The following EPHB1 variants were observed in gnomAD, a reference collection of about 807,000 sequenced individuals.
EPHB1 encodes the protein EPH receptor B1, also known as ephrin type-B receptor 1.
EPHB1 carries 30 observed loss-of-function variants against 94.4 expected under a neutral mutation model. That is an observed-to-expected ratio of 0.32 (90% CI 0.24 to 0.43). The LOEUF (loss-of-function observed/expected upper bound fraction) is 0.43, where lower values mean the gene tolerates loss of function less well. Ranked by LOEUF, EPHB1 falls within the 20% of genes least tolerant of loss-of-function variation. The pLI, the probability that EPHB1 is intolerant of heterozygous loss-of-function variation, is 1.00. For missense variants in EPHB1, 1,055 were observed against 1,308.3 expected, an observed-to-expected ratio of 0.81 and a Z score of 2.99; for synonymous variants, 522 against 489.1, an observed-to-expected ratio of 1.07 and a Z score of -0.89.
chr3:135,197,519 C>T (rs1181290845), intron 11 of EPHB1, among the ~76,000 whole-genome samples: 1 of 152,164 alleles, frequency 6.6e-6, no homozygotes, highest in Non-Finnish European at 1.5e-5. Context: ...TGAAAGGTCC[C>T]TTTCAGTTAG....
At chr3:134,921,147 TCTC>T (rs1291619004) in intron 1 of EPHB1, among the ~76,000 whole-genome samples, 1 of 152,038 alleles carries the variant, frequency 6.6e-6, no homozygotes, top group Non-Finnish European at 1.5e-5. Flanking sequence ...TAGCCTCCCT[TCTC>T]CTTTTGCTCA....
chr3:134,866,667 G>C (rs2108305941), intron 1 of EPHB1, among the ~76,000 whole-genome samples: 1 of 152,274 alleles, frequency 6.6e-6, no homozygotes, highest in Admixed American at 6.5e-5. Flanking sequence ...CAGCTGGCAG[G>C]GTATTTAGCT....
At chr3:134,836,129 A>G (rs2036670390) in intron 1 of EPHB1, among the ~76,000 whole-genome samples, 2 of 152,210 alleles carry the variant, frequency 1.3e-5, no homozygotes, top group African/African-American at 4.8e-5. Flanking sequence ...TCCATGGGGC[A>G]TCTGGCTGGG....
intron 6 of EPHB1, among the ~76,000 whole-genome samples, chr3:135,160,638 C>T (rs939563272): frequency 6.6e-6 from 1 of 152,182 alleles, no homozygotes; most frequent in East Asian, 1.9e-4. Context: ...AGCTTCTGTT[C>T]ATGCATACCT....
At chr3:134,860,209 G>T (rs567638350) in intron 1 of EPHB1, among the ~76,000 whole-genome samples, 6 of 81,344 alleles carry the variant, frequency 7.4e-5, no homozygotes, top group Admixed American at 6.9e-4. Context: ...TGGGAAAGGG[G>T]CACAGGGATC....
chr3:135,248,908 C>A (rs1043854767), intron 14 of EPHB1, among the ~76,000 whole-genome samples: 2 of 151,780 alleles, frequency 1.3e-5, no homozygotes, highest in Admixed American at 6.6e-5. Flanking sequence ...TCTCACTGCT[C>A]CATTTTTTTT....
At chr3:135,078,237 G>T (rs1938017716) in intron 3 of EPHB1, among the ~76,000 whole-genome samples, 2 of 152,164 alleles carry the variant, frequency 1.3e-5, no homozygotes, top group Admixed American at 6.5e-5. Context: ...GCAGGGGGAG[G>T]AGTATGGAAA....
At chr3:134,966,879 C>T (rs186363159) in intron 3 of EPHB1, among the ~76,000 whole-genome samples, 168 of 152,362 alleles carry the variant, frequency 1.1e-3, no homozygotes, top group Non-Finnish European at 1.9e-3. Context: ...AGTGTTAGAA[C>T]AGGGCCCCGC....
chr3:134,799,897 G>A (rs763882794), intron 1 of EPHB1, among the ~76,000 whole-genome samples: 1 of 152,096 alleles, frequency 6.6e-6, no homozygotes, highest in Non-Finnish European at 1.5e-5. Flanking sequence ...AAAGAAGAAG[G>A]GTGATGCTAG....
At chr3:135,125,956 T>C (rs1226874989) in intron 4 of EPHB1, among the ~76,000 whole-genome samples, 1 of 152,146 alleles carries the variant, frequency 6.6e-6, no homozygotes, top group African/African-American at 2.4e-5. Context: ...CGCCTTCCAA[T>C]CACTCAGACA....
At chr3:135,036,166 G>A (rs138078322) in intron 3 of EPHB1, among the ~76,000 whole-genome samples, 8 of 152,290 alleles carry the variant, frequency 5.3e-5, no homozygotes, top group African/African-American at 1.4e-4. Context: ...GGTTGGGTGG[G>A]AAGACAGAGG....
intron 3 of EPHB1, among the ~76,000 whole-genome samples, chr3:134,964,881 A>G (rs1933669745): frequency 2.0e-5 from 3 of 152,304 alleles, no homozygotes; most frequent in Admixed American, 1.3e-4. Flanking sequence ...ATTTCCATTC[A>G]TTGTTTTTAT....
At chr3:134,806,666 G>T (rs1292515293) in intron 1 of EPHB1, among the ~76,000 whole-genome samples, 1 of 152,140 alleles carries the variant, frequency 6.6e-6, no homozygotes, top group East Asian at 1.9e-4. Flanking sequence ...CCTAGAAAGG[G>T]ACTTAGGGGA....
rs1426459349 is a variant in EPHB1 at position 135,259,737 on chromosome 3, T to C, written c.*617T>C. On this transcript the variant is annotated 3_prime_UTR_variant, in exon 16 of 16. Coordinates refer to ENST00000398015, the MANE Select transcript of EPHB1 (RefSeq NM_004441.5). Reference sequence around the variant, plus strand: ...ATGTCTTCATATTGAAGAAGAGATGTACCTTCAATTGAAAACCTCGTTTTT... The same window carrying C: ...ATGTCTTCATATTGAAGAAGAGATGCACCTTCAATTGAAAACCTCGTTTTT... The C allele has an allele frequency of 9.6e-6, 2 of 208,664 alleles. No individual in the cohort carries two copies. Among genetic ancestry groups the C allele is most frequent in the African/African-American group, 4.6e-5 (2 of 43,904 alleles). 12.9% of individuals were successfully genotyped at this position (208,664 alleles called of 1,614,324 possible). A position where few individuals can be genotyped will look rare whatever the true frequency, so the allele number is the denominator to read the frequency against.
intron 5 of EPHB1, among the ~76,000 whole-genome samples, chr3:135,153,522 C>T (rs1207512544): frequency 6.6e-6 from 1 of 152,156 alleles, no homozygotes; most frequent in Non-Finnish European, 1.5e-5. Context: ...CTTGTGAACT[C>T]CTTATTGGAA....
At chr3:135,245,470 CCAAA>C (rs527261746) in intron 13 of EPHB1, among the ~76,000 whole-genome samples, 116 of 132,396 alleles carry the variant, frequency 8.8e-4, no homozygotes, top group Admixed American at 7.1e-3. Flanking sequence ...AGTAAACACA[CCAAA>C]CAAAGAGCAA....
At chr3:135,258,972 T>TAACA in intron 15 of EPHB1, 40 bp from the exon 16 acceptor site, 2 of 1,490,262 alleles carry the variant, frequency 1.3e-6, no homozygotes, top group Non-Finnish European at 1.8e-6. Context: ...AAAGCTAACC[T>TAACA]AACACTAAAG....
chr3:135,162,625 T>C (rs559825540), intron 7 of EPHB1, among the ~76,000 whole-genome samples: 2 of 152,302 alleles, frequency 1.3e-5, no homozygotes, highest in Admixed American at 6.5e-5. Flanking sequence ...GGCAGTCTCA[T>C]GCACCTGGGA....
At chr3:135,014,341 C>T (rs928913081) in intron 3 of EPHB1, among the ~76,000 whole-genome samples, 3 of 152,144 alleles carry the variant, frequency 2.0e-5, no homozygotes, top group Non-Finnish European at 2.9e-5. Flanking sequence ...TGGCCCAGCC[C>T]GACTTGATTC....
Sources: gnomAD v4.1 joint callset for allele counts (sites outside exome capture counted in the v4.1 genomes callset) on GRCh38, gnomAD v4.1.1 for gene constraint, MANE v1.5 for transcripts, NCBI Gene and HGNC (gene_info 2026-07-23, HGNC 2026-07-21) for gene names.